Variants in DAB1 observed in about 807,000 individuals in gnomAD.
The protein encoded by DAB1 is disabled homolog 1.
In DAB1, 15 loss-of-function variants were observed where a neutral mutation model predicts 64.6. That is an observed-to-expected ratio of 0.23 (90% CI 0.16 to 0.36). The LOEUF (loss-of-function observed/expected upper bound fraction) is 0.36, where lower values mean the gene tolerates loss of function less well. DAB1 is among the 10% of genes least tolerant of loss of function. The probability of loss-of-function intolerance (pLI) is 1.00; values close to 1 mark genes in which losing one functional copy is unlikely to be tolerated. For synonymous variants in DAB1, 235 were observed against 251.9 expected (o/e 0.93, Z 0.64); for missense variants, 596 against 706.7 (o/e 0.84, Z 1.78).
chr1:58,081,283 A>C (rs1443028734), intron 5 of DAB1, among the ~76,000 whole-genome samples: 1 of 152,238 alleles, frequency 6.6e-6, no homozygotes, highest in Admixed American at 6.5e-5. Context: ...AGGTAGGATA[A>C]ATTGTGACGC....
At chr1:58,298,149 T>A (rs1181626267) in intron 4 of DAB1, among the ~76,000 whole-genome samples, 2 of 152,248 alleles carry the variant, frequency 1.3e-5, no homozygotes, top group African/African-American at 2.4e-5. Flanking sequence ...CTAAGACATT[T>A]CTAGTTGTGC....
intron 1 of DAB1, among the ~76,000 whole-genome samples, chr1:57,369,417 T>C (rs529906772): frequency 6.6e-6 from 1 of 152,318 alleles, no homozygotes; most frequent in South Asian, 2.1e-4. Flanking sequence ...TAGGCCCAAG[T>C]GTTTTATATT....
At chr1:57,323,331 C>T (rs1675878097) in intron 1 of DAB1, among the ~76,000 whole-genome samples, 1 of 152,052 alleles carries the variant, frequency 6.6e-6, no homozygotes. Context: ...GAAGGCTTCC[C>T]AAAACAGGTG....
intron 5 of DAB1, among the ~76,000 whole-genome samples, chr1:57,986,346 C>A (rs1158983328): frequency 6.6e-6 from 1 of 152,100 alleles, no homozygotes. Context: ...ATAAAAAAGA[C>A]CCGAGAGTGC....
chr1:57,771,300 C>T (rs915568282), intron 6 of DAB1, among the ~76,000 whole-genome samples: 9 of 152,038 alleles, frequency 5.9e-5, no homozygotes, highest in Non-Finnish European at 1.3e-4. Context: ...CAGCAAAATT[C>T]AGAAAATGGT....
chr1:58,300,664 GGAAGGAAGGAAGGA>G (rs1557726414), intron 4 of DAB1, among the ~76,000 whole-genome samples: 7 of 125,772 alleles, frequency 5.6e-5, no homozygotes, highest in African/African-American at 2.3e-4. Flanking sequence ...AAGGAAGGAA[GGAAGGAAGGAAGGA>G]AGGAAGGAAG....
rs1211346018 is a variant in DAB1, at chr1:57,946,840, T to A, written n.388-62678A>T. Among the ~76,000 whole-genome samples, 7 of 152,340 alleles carry A rather than the reference T, an allele frequency of 4.6e-5. No individual in the cohort carries two copies. In the South Asian group the frequency reaches 1.0e-3, roughly 23 times the overall value. On this transcript the variant is annotated intron_variant and non_coding_transcript_variant, in intron 5 of 20. Coordinates refer to the DAB1 transcript ENST00000485760. ...AATACACTTTCCTCAAGTTTCTCAG[T>A]TGGAATGTGCCATATGCTTCCTGCA... is the stretch of plus-strand genomic sequence containing the variant.
chr1:57,042,721 C>G (rs1359317223), intron 9 of DAB1, among the ~76,000 whole-genome samples: 1 of 151,992 alleles, frequency 6.6e-6, no homozygotes, highest in African/African-American at 2.4e-5. Flanking sequence ...TTATATAATA[C>G]AATAGAAAAC....
intron 6 of DAB1, among the ~76,000 whole-genome samples, chr1:57,763,156 C>T (rs1336685498): frequency 6.6e-6 from 1 of 152,116 alleles, no homozygotes; most frequent in Non-Finnish European, 1.5e-5. Context: ...TGTATGGAAC[C>T]CCAAATGAGA....
At chr1:57,523,207 A>G (rs1033294839) in intron 7 of DAB1, among the ~76,000 whole-genome samples, 2 of 152,204 alleles carry the variant, frequency 1.3e-5, no homozygotes, top group African/African-American at 4.8e-5. Flanking sequence ...TCAGAATACC[A>G]TAAACTAGAC....
chr1:57,447,222 G>C (rs1402558563), intron 7 of DAB1, among the ~76,000 whole-genome samples: 1 of 152,206 alleles, frequency 6.6e-6, no homozygotes, highest in Non-Finnish European at 1.5e-5. Flanking sequence ...TTTGGGATGG[G>C]AGAGTGATCT....
intron 4 of DAB1, among the ~76,000 whole-genome samples, chr1:58,160,376 C>G (rs1173919088): frequency 6.6e-6 from 1 of 152,246 alleles, no homozygotes; most frequent in East Asian, 1.9e-4. Context: ...TTGGGGCCTC[C>G]TATCATGTAC....
At chr1:57,009,880 T>G (rs1208938428) in intron 14 of DAB1, among the ~76,000 whole-genome samples, 1 of 152,206 alleles carries the variant, frequency 6.6e-6, no homozygotes. Flanking sequence ...TACATCTCTC[T>G]CAAAGTAGCT....
At chr1:57,722,898 A>G (rs1211347667) in intron 6 of DAB1, among the ~76,000 whole-genome samples, 1 of 152,186 alleles carries the variant, frequency 6.6e-6, no homozygotes, top group Non-Finnish European at 1.5e-5. Context: ...AATCTCCCCA[A>G]CTGAGAGAAG....
At chr1:58,405,369 TTC>T (rs1439231154) in intron 3 of DAB1, among the ~76,000 whole-genome samples, 1 of 152,032 alleles carries the variant, frequency 6.6e-6, no homozygotes, top group South Asian at 2.1e-4. Flanking sequence ...TATAAATCTA[TTC>T]TGTTTGTTTA....
intron 3 of DAB1, among the ~76,000 whole-genome samples, chr1:58,416,139 C>T (rs542061743): frequency 5.5e-4 from 84 of 152,226 alleles, no homozygotes; most frequent in Non-Finnish European, 1.0e-3. Context: ...TTAGAGAAGA[C>T]AAGCAGTGTG....
intron 6 of DAB1, among the ~76,000 whole-genome samples, chr1:57,704,235 T>C (rs1646939659): frequency 6.6e-6 from 1 of 152,188 alleles, no homozygotes; most frequent in Non-Finnish European, 1.5e-5. Flanking sequence ...AAAAATTGGA[T>C]GATTTTGTCA....
chr1:57,524,202 G>A (rs1298223254), intron 7 of DAB1, among the ~76,000 whole-genome samples: 14 of 151,934 alleles, frequency 9.2e-5, no homozygotes, highest in Admixed American at 9.2e-4. Flanking sequence ...ACATAGAGGC[G>A]AAAGTTTTCT....
chr1:57,547,955 A>G (rs964822829), intron 7 of DAB1, among the ~76,000 whole-genome samples: 7 of 152,304 alleles, frequency 4.6e-5, no homozygotes, highest in African/African-American at 1.7e-4. Context: ...CTGGCACATA[A>G]AAGACACTAT....
Sources: gnomAD v4.1 joint callset for allele counts (sites outside exome capture counted in the v4.1 genomes callset) on GRCh38, gnomAD v4.1.1 for gene constraint, MANE v1.5 for transcripts, NCBI Gene and HGNC (gene_info 2026-07-23, HGNC 2026-07-21) for gene names.